The following LAMB1 variants were observed in gnomAD, a reference collection of about 807,000 sequenced individuals.
The protein encoded by LAMB1 is laminin subunit beta 1, also known as laminin subunit beta-1.
LAMB1 carries 121 observed loss-of-function variants against 222.3 expected under a neutral mutation model. The ratio of observed to expected loss-of-function variants is 0.54; its 90% CI spans 0.47 to 0.63. The LOEUF is 0.63. LAMB1 is among the 30% of genes least tolerant of loss of function. LAMB1 has a pLI of 0.00. For missense variants in LAMB1, 2,172 were observed against 2,240.8 expected, an observed-to-expected ratio of 0.97 and a Z score of 0.62; for synonymous variants, 794 against 807.2, an observed-to-expected ratio of 0.98 and a Z score of 0.28.
Position 107,941,822 on chromosome 7 carries a change from C to CTTTT in LAMB1, c.3392-1468_3392-1465dup, listed in dbSNP as rs774447066. On this transcript the variant is annotated intron_variant, in intron 24 of 33. Transcript: ENST00000222399. The stretch of plus-strand genomic sequence containing the variant: ...TACAGGCATGCGCCACCACACCCGG[C>CTTTT]TTTTTTTTTTTTTTTTTTTTTTTTT... Among the ~76,000 whole-genome samples the CTTTT allele has an allele frequency of 3.1e-4, 10 of 31,884 alleles. 1 individual carries two copies. Among genetic ancestry groups the CTTTT allele is most frequent in the Non-Finnish European group, 5.4e-4 (10 of 18,670 alleles). 20.9% of individuals were successfully genotyped at this position (31,884 alleles called of 152,430 possible).
chr7:107,975,191 C>G, intron 11 of LAMB1, 43 bp downstream of exon 11: 2 of 1,586,628 alleles, frequency 1.3e-6, no homozygotes, highest in Admixed American at 1.7e-5. Flanking sequence ...ATGGGAATTT[C>G]AAACACAAGA....
rs1212038245 is a variant in LAMB1, at chr7:107,923,916, C to T, written c.*35G>A. ...CAGTTTTTAAAATGTAGTTGTTTTA[C>T]CTTGTTCACCTCAGCCATTTTTTAT... On this transcript the variant is annotated 3_prime_UTR_variant, in exon 34 of 34. Coordinates refer to ENST00000222399, the MANE Select transcript of LAMB1 (RefSeq NM_002291.3). 1.9e-6 allele frequency: 3 copies of T among 1,574,358 alleles called. No homozygotes were observed. The highest frequency in any genetic ancestry group is 2.0e-5 in the Admixed American group (1 of 49,618).
chr7:107,986,152 G>A, intron 6 of LAMB1, 23 bp downstream of exon 6: 2 of 1,612,060 alleles, frequency 1.2e-6, no homozygotes, highest in South Asian at 2.2e-5. Flanking sequence ...CAAGTAGAAT[G>A]TAAAACACAG....
rs376978331 is a variant in LAMB1 at position 107,959,257 on chromosome 7, G to A, written c.2682C>T (p.Asn894=). The A allele has an allele frequency of 1.9e-6, 3 of 1,613,196 alleles. No homozygotes were observed. The highest frequency in any genetic ancestry group is 1.7e-6 in the Non-Finnish European group (2 of 1,179,188). Residue 894 remains asparagine, a synonymous_variant, in exon 20 of 34, where the codon AAC becomes AAT. Transcript: ENST00000222399. ...LNCQDYTMGH[N]CERCLAGYYG... ...TTTCAGCATCTGCATACCTTTCACA[G>A]TTATGACCCATGGTGTAGTCCTGGC...
chr7:107,996,467 A>G (rs1415428235), intron 4 of LAMB1, among the ~76,000 whole-genome samples: 2 of 152,234 alleles, frequency 1.3e-5, no homozygotes, highest in African/African-American at 2.4e-5. Flanking sequence ...CGCCACGTAT[A>G]AGCACAACTT....
chr7:107,959,630 C>A (rs999579559), intron 19 of LAMB1, 61 bp downstream of exon 19: 50 of 1,613,870 alleles, frequency 3.1e-5, no homozygotes, highest in Non-Finnish European at 4.1e-5. Flanking sequence ...AGCAATGGAA[C>A]CCTGCCACAA....
At chr7:107,997,874 CTT>C (rs1351028670) in intron 4 of LAMB1, among the ~76,000 whole-genome samples, 1 of 151,966 alleles carries the variant, frequency 6.6e-6, no homozygotes, top group African/African-American at 2.4e-5. Flanking sequence ...TTGACAGAGT[CTT>C]TGAAAAAATT....
At chr7:107,945,878 T>G (rs1327968194) in intron 24 of LAMB1, among the ~76,000 whole-genome samples, 1 of 152,256 alleles carries the variant, frequency 6.6e-6, no homozygotes, top group Non-Finnish European at 1.5e-5. Flanking sequence ...CATTTCCTAC[T>G]GATCTTGCCC....
At chr7:107,995,448 A>T in intron 4 of LAMB1, among the ~76,000 whole-genome samples, 1 of 152,390 alleles carries the variant, frequency 6.6e-6, no homozygotes, top group South Asian at 2.1e-4. Flanking sequence ...AAAATAAATA[A>T]GAGTCTACCA....
intron 5 of LAMB1, among the ~76,000 whole-genome samples, chr7:107,993,511 A>G (rs7456860): frequency 0.023 from 3,454 of 152,280 alleles, 119 homozygotes; most frequent in African/African-American, 0.074. Context: ...AAGTAAGTTC[A>G]TCTTTCTCCC....
At chr7:107,977,239 G>A (rs1479752137) in intron 9 of LAMB1, among the ~76,000 whole-genome samples, 2 of 152,082 alleles carry the variant, frequency 1.3e-5, no homozygotes, top group Non-Finnish European at 2.9e-5. Flanking sequence ...CTTCTCAGTG[G>A]GGGCAGAGGC....
chr7:107,982,166 C>T (rs763779242), intron 7 of LAMB1, among the ~76,000 whole-genome samples: 1 of 152,146 alleles, frequency 6.6e-6, no homozygotes, highest in African/African-American at 2.4e-5. Context: ...ACTAGACAAA[C>T]GAAGAGCCAT....
chr7:107,931,731 T>C (rs1298531540), intron 28 of LAMB1: 2 of 529,440 alleles, frequency 3.8e-6, no homozygotes, highest in Non-Finnish European at 6.6e-6. Flanking sequence ...TTTAAAATTT[T>C]TCAAGTTGTT....
Position 107,994,877 on chromosome 7 carries a change from G to A in LAMB1, c.423+10C>T, listed in dbSNP as rs758086210. The A allele has an allele frequency of 1.3e-6, 2 of 1,519,446 alleles. No homozygotes were observed. Among genetic ancestry groups the A allele is most frequent in the Non-Finnish European group, 1.8e-6 (2 of 1,095,690 alleles). 94.1% of individuals were successfully genotyped at this position (1,519,446 alleles called of 1,614,324 possible). On this transcript the variant is annotated intron_variant, in intron 5 of 33. Transcript: ENST00000222399. ...ATGTGTCATTTGTGAGAAAGTCATG[G>A]ATTTCTTACCTTGAAAGTCATTATG...
At position 107,935,429 on chromosome 7, in the gene LAMB1, C is replaced by A; in HGVS notation, c.4174G>T (p.Ala1392Ser). Residue 1392 changes from alanine to serine, a missense_variant, in exon 27 of 34, where the codon GCC (alanine) becomes TCC (serine). Ala to Ser is a moderately conservative substitution (Grantham distance 99). Transcript: ENST00000222399. The part of the protein sequence containing the change: ...AGKLQSLDLS[A>S]AAEMTCGTPP... ...CCAAACCTTACCATTTCGGCAGCGGCTGAAAGGTCTAGGCTTTGTAGCTTG... is the reference window on the plus strand; with the variant it reads ...CCAAACCTTACCATTTCGGCAGCGGATGAAAGGTCTAGGCTTTGTAGCTTG... 6.4e-7 allele frequency: 1 copy of A among 1,556,556 alleles called. No homozygotes were observed. The highest frequency in any genetic ancestry group is 8.7e-7 in the Non-Finnish European group (1 of 1,149,350).
intron 24 of LAMB1, among the ~76,000 whole-genome samples, chr7:107,942,934 A>G (rs1407526482): frequency 6.6e-6 from 1 of 152,216 alleles, no homozygotes; most frequent in Non-Finnish European, 1.5e-5. Flanking sequence ...TAAAACATGT[A>G]ATTTCCTTAG....
intron 14 of LAMB1, among the ~76,000 whole-genome samples, chr7:107,964,025 A>C (rs2033571712): frequency 6.6e-6 from 1 of 152,356 alleles, no homozygotes; most frequent in African/African-American, 2.4e-5. Context: ...TCAACCCAGC[A>C]GGCGGAGGTT....
intron 24 of LAMB1, 75 bp from the exon 25 acceptor site, chr7:107,940,433 CTCACT>C (rs1242097623): frequency 1.4e-5 from 21 of 1,453,758 alleles, no homozygotes; most frequent in Non-Finnish European, 1.9e-5. Flanking sequence ...ATTTAGAATA[CTCACT>C]TCACTGTGAA....
In LAMB1 at chr7:107,981,397, G is replaced by A. The variant is rs146368655; in HGVS notation, c.677-586C>T. Among the ~76,000 whole-genome samples the A allele has an allele frequency of 3.7e-3, 565 of 151,588 alleles. 5 individuals carry two copies. Among genetic ancestry groups the A allele is most frequent in the Non-Finnish European group, 6.0e-3 (408 of 67,938 alleles). ...TGGGAGGTGGAGGTTGCAGTGAGCCGAGATTGTGCCATTGCACTCCAGCCT... is the reference window on the plus strand; with the variant it reads ...TGGGAGGTGGAGGTTGCAGTGAGCCAAGATTGTGCCATTGCACTCCAGCCT... On this transcript the variant is annotated intron_variant, in intron 7 of 33. Coordinates refer to ENST00000222399, the MANE Select transcript of LAMB1 (RefSeq NM_002291.3).
Sources: allele counts gnomAD v4.1 joint callset (sites outside exome capture counted in the v4.1 genomes callset), GRCh38; gene constraint gnomAD v4.1.1; transcripts MANE v1.5; gene names NCBI Gene and HGNC (gene_info 2026-07-23, HGNC 2026-07-21).